SH3D19: variants seen among roughly 807,000 people sequenced by gnomAD.
SH3D19 encodes SH3 domain-containing protein 19.
In SH3D19, 58 loss-of-function variants were observed where a neutral mutation model predicts 112.1. The ratio of observed to expected loss-of-function variants is 0.52; its 90% CI spans 0.42 to 0.64. The LOEUF (loss-of-function observed/expected upper bound fraction) is 0.64, where lower values mean the gene tolerates loss of function less well. Among genes scored for constraint, SH3D19 ranks in the 30% least tolerant of loss-of-function variants. SH3D19 has a pLI of 0.00. For synonymous variants in SH3D19, 391 were observed against 448.5 expected (o/e 0.87, Z 1.62); for missense variants, 1,090 against 1,263.4 (o/e 0.86, Z 2.08).
chr4:151,237,712 T>C (rs758707642), intron 1 of SH3D19, among the ~76,000 whole-genome samples: 4 of 152,222 alleles, frequency 2.6e-5, no homozygotes, highest in Non-Finnish European at 5.9e-5. Context: ...AAGTGCTCAA[T>C]AAACATCTAC....
intron 2 of SH3D19, among the ~76,000 whole-genome samples, chr4:151,219,668 G>A (rs1767710089): frequency 6.6e-6 from 1 of 152,142 alleles, no homozygotes; most frequent in Non-Finnish European, 1.5e-5. Context: ...TTCCCTACCT[G>A]TATTTACTTG....
At chr4:151,177,309 A>C (rs1473380589) in intron 4 of SH3D19, among the ~76,000 whole-genome samples, 2 of 152,346 alleles carry the variant, frequency 1.3e-5, no homozygotes, top group Non-Finnish European at 2.9e-5. Flanking sequence ...AAGGTATAAA[A>C]GCCCATTAGT....
At chr4:151,218,660 T>G (rs1439939709) in intron 2 of SH3D19, among the ~76,000 whole-genome samples, 1 of 152,216 alleles carries the variant, frequency 6.6e-6, no homozygotes, top group Non-Finnish European at 1.5e-5. Flanking sequence ...AAGATACACT[T>G]GAAGCTCCCT....
At chr4:151,219,962 T>C (rs1767762227) in intron 2 of SH3D19, among the ~76,000 whole-genome samples, 1 of 152,222 alleles carries the variant, frequency 6.6e-6, no homozygotes, top group Non-Finnish European at 1.5e-5. Flanking sequence ...ATAAGATAAA[T>C]CAAATTCCGT....
At chr4:151,233,515 T>C (rs1769780360) in intron 1 of SH3D19, among the ~76,000 whole-genome samples, 1 of 152,184 alleles carries the variant, frequency 6.6e-6, no homozygotes, top group Admixed American at 6.5e-5. Flanking sequence ...TCCAATAGTG[T>C]AGCATTTAAA....
intron 11 of SH3D19, among the ~76,000 whole-genome samples, chr4:151,146,308 T>A (rs7699495): frequency 0.12 from 18,171 of 152,150 alleles, 2,257 homozygotes; most frequent in African/African-American, 0.31. Context: ...ATTTTATTTT[T>A]TTTTTTAAAA....
intron 2 of SH3D19, among the ~76,000 whole-genome samples, chr4:151,216,364 C>T (rs184847875): frequency 5.3e-5 from 8 of 152,238 alleles, no homozygotes; most frequent in Non-Finnish European, 1.2e-4. Context: ...GTCCACTTTC[C>T]CAAGGATATT....
At chr4:151,179,446 T>A in intron 3 of SH3D19, 49 bp from the exon 4 acceptor site, 1 of 1,124,738 alleles carries the variant, frequency 8.9e-7, no homozygotes, top group Non-Finnish European at 1.1e-6. Context: ...GTATGTTTGG[T>A]AAGGGTTTAA....
intron 2 of SH3D19, among the ~76,000 whole-genome samples, chr4:151,214,410 G>A (rs1283544708): frequency 4.3e-5 from 2 of 46,228 alleles, no homozygotes; most frequent in Non-Finnish European, 1.4e-4. Flanking sequence ...GGTGGTGGCC[G>A]GGCAGAGGCG....
intron 1 of SH3D19, among the ~76,000 whole-genome samples, chr4:151,293,533 C>A (rs945286988): frequency 2.6e-5 from 4 of 152,100 alleles, no homozygotes; most frequent in African/African-American, 7.2e-5. Context: ...CCCTTATTAA[C>A]CCCACCTGGG....
intron 1 of SH3D19, among the ~76,000 whole-genome samples, chr4:151,308,031 G>A (rs1030608980): frequency 2.6e-5 from 4 of 152,060 alleles, no homozygotes; most frequent in Admixed American, 6.6e-5. Flanking sequence ...TCAGCCTCCC[G>A]AATAGCTGGG....
At chr4:151,244,950 C>T (rs1770822034) in intron 1 of SH3D19, among the ~76,000 whole-genome samples, 1 of 152,092 alleles carries the variant, frequency 6.6e-6, no homozygotes. Flanking sequence ...AGAGACCATC[C>T]TGGCTAACAC....
chr4:151,127,663 G>A lies in SH3D19; in HGVS notation c.2982C>T (p.Ala994=), dbSNP rs199508007. ...CATTCTCCCCTCGGAAATCATATAA[G>A]GCTTTGGCCTTCCTCCCCTTCGGTA... ...AIVPKGRKAK[A]LYDFRGENED... The change falls in exon 19 of 20, where the codon GCC becomes GCT. Residue 994 remains alanine (A), a synonymous_variant. Transcript: ENST00000604030. 1.0e-4 allele frequency: 166 copies of A among 1,606,322 alleles called. No homozygotes were observed. The highest frequency in any genetic ancestry group is 2.6e-4 in the Admixed American group (15 of 58,076).
rs555819095 is a variant in SH3D19 at position 151,188,078 on chromosome 4, CAAG to C, written c.153-618_153-616del. 1.4e-4 allele frequency among the ~76,000 whole-genome samples: 22 copies of C among 152,260 alleles called. No individual in the cohort carries two copies. In the East Asian group the frequency reaches 3.1e-3, roughly 21 times the overall value. ...CTTTCACCATGGGATGACACGGCAA[CAAG>C]AAGACCCTCTCCAGATACCAGCCTC... On this transcript the variant is annotated intron_variant, in intron 2 of 19. Coordinates refer to ENST00000604030, the MANE Select transcript of SH3D19 (RefSeq NM_001378122.1).
chr4:151,157,564 T>C (rs1307243166), intron 9 of SH3D19, among the ~76,000 whole-genome samples: 2 of 152,086 alleles, frequency 1.3e-5, no homozygotes, highest in Non-Finnish European at 2.9e-5. Context: ...AGAACTACCA[T>C]ATGATCCAGC....
chr4:151,287,253 A>T (rs1774890503), intron 1 of SH3D19, among the ~76,000 whole-genome samples: 1 of 151,052 alleles, frequency 6.6e-6, no homozygotes, highest in Non-Finnish European at 1.5e-5. Flanking sequence ...AGGGAGGAGA[A>T]TCACTTGAAC....
intron 1 of SH3D19, among the ~76,000 whole-genome samples, chr4:151,297,033 T>C (rs1775759499): frequency 6.6e-6 from 1 of 152,244 alleles, no homozygotes; most frequent in South Asian, 2.1e-4. Context: ...TGCCCAACTG[T>C]GTATAGTCTA....
At chr4:151,126,722 C>CT (rs1455505198) in intron 19 of SH3D19, among the ~76,000 whole-genome samples, 2 of 144,234 alleles carry the variant, frequency 1.4e-5, no homozygotes, top group Admixed American at 7.0e-5. Flanking sequence ...TGGCGTGAAC[C>CT]GGGAGGTGGA....
intron 2 of SH3D19, among the ~76,000 whole-genome samples, chr4:151,201,613 T>C (rs1420891463): frequency 6.6e-6 from 1 of 152,198 alleles, no homozygotes; most frequent in Non-Finnish European, 1.5e-5. Context: ...TAGGAACATC[T>C]GGAGTCTTTA....
Sources: gnomAD v4.1 joint callset for allele counts (sites outside exome capture counted in the v4.1 genomes callset) on GRCh38, gnomAD v4.1.1 for gene constraint, MANE v1.5 for transcripts, NCBI Gene and HGNC (gene_info 2026-07-23, HGNC 2026-07-21) for gene names.